Variants in FTO observed in about 807,000 individuals in gnomAD.
FTO encodes the protein alpha-ketoglutarate-dependent dioxygenase FTO.
FTO carries 47 observed loss-of-function variants against 63.9 expected under a neutral mutation model. The ratio of observed to expected loss-of-function variants is 0.74; its 90% CI spans 0.58 to 0.94. FTO has a LOEUF of 0.94. Among genes scored for constraint, FTO ranks in the 40% least tolerant of loss-of-function variants. The pLI, the probability that FTO is intolerant of heterozygous loss-of-function variation, is 0.00. For synonymous variants in FTO, 207 were observed against 224.4 expected, an observed-to-expected ratio of 0.92 and a Z score of 0.69; for missense variants, 562 against 618.1, an observed-to-expected ratio of 0.91 and a Z score of 0.96.
At chr16:53,923,909 C>T (rs1423424856) in intron 7 of FTO, among the ~76,000 whole-genome samples, 1 of 151,866 alleles carries the variant, frequency 6.6e-6, no homozygotes, top group Non-Finnish European at 1.5e-5. Context: ...GCTGCTGTGG[C>T]TCCATGGCTT....
intron 1 of FTO, among the ~76,000 whole-genome samples, chr16:53,775,783 C>CT (rs1489346502): frequency 2.0e-5 from 3 of 152,138 alleles, no homozygotes; most frequent in Non-Finnish European, 2.9e-5. Context: ...TTTTAATAGT[C>CT]TGTTTTCTTT....
intron 1 of FTO, among the ~76,000 whole-genome samples, chr16:53,772,901 A>G (rs1289485612): frequency 6.6e-6 from 1 of 152,076 alleles, no homozygotes; most frequent in East Asian, 1.9e-4. Context: ...GCTACTTTTC[A>G]TATTTGTCTT....
At chr16:54,025,873 C>T (rs997773109) in intron 8 of FTO, among the ~76,000 whole-genome samples, 3 of 152,126 alleles carry the variant, frequency 2.0e-5, no homozygotes, top group African/African-American at 7.2e-5. Context: ...ATTATCCGGG[C>T]ATGGGGGCGG....
intron 4 of FTO, among the ~76,000 whole-genome samples, chr16:53,867,712 A>G (rs1038254153): frequency 6.6e-5 from 10 of 152,090 alleles, no homozygotes; most frequent in African/African-American, 2.2e-4. Context: ...GTTATATTCA[A>G]TTGACTGATG....
intron 1 of FTO, among the ~76,000 whole-genome samples, chr16:53,804,317 T>C (rs1029241659): frequency 1.3e-5 from 2 of 152,202 alleles, no homozygotes; most frequent in Non-Finnish European, 2.9e-5. Flanking sequence ...CTAATATGTA[T>C]GAATAATTTT....
intron 4 of FTO, among the ~76,000 whole-genome samples, chr16:53,871,956 A>T (rs147806101): frequency 0.02 from 3,031 of 152,090 alleles, 42 homozygotes; most frequent in Admixed American, 0.031. Context: ...CGAACTCCTG[A>T]CCTCAGGTAA....
At chr16:54,049,985 C>T (rs1464277827) in intron 8 of FTO, among the ~76,000 whole-genome samples, 1 of 152,186 alleles carries the variant, frequency 6.6e-6, no homozygotes, top group East Asian at 1.9e-4. Flanking sequence ...TTGAATGCCT[C>T]ATGTCACAGG....
intron 1 of FTO, among the ~76,000 whole-genome samples, chr16:53,738,902 A>C (rs7203079): frequency 0.063 from 9,524 of 152,066 alleles, 475 homozygotes; most frequent in African/African-American, 0.14. Flanking sequence ...GTGCAGTGGC[A>C]AGATCATGAT....
intron 1 of FTO, among the ~76,000 whole-genome samples, chr16:53,772,680 C>T (rs2077366519): frequency 2.0e-5 from 3 of 152,064 alleles, no homozygotes; most frequent in South Asian, 4.1e-4. Context: ...TGAATTGGGA[C>T]TAACTGTATT....
chr16:54,053,784 G>A (rs2085365908), intron 8 of FTO, among the ~76,000 whole-genome samples: 1 of 152,084 alleles, frequency 6.6e-6, no homozygotes. Flanking sequence ...TCGAGAAACA[G>A]TCTACAAAAA....
intron 7 of FTO, among the ~76,000 whole-genome samples, chr16:53,902,454 G>A (rs117107489): frequency 0.014 from 2,169 of 152,212 alleles, 25 homozygotes; most frequent in Middle Eastern, 0.037. Context: ...GCTGTGCTTG[G>A]GATATTTCTC....
At chr16:53,876,205 G>T (rs1007351557) in intron 5 of FTO, among the ~76,000 whole-genome samples, 3 of 152,064 alleles carry the variant, frequency 2.0e-5, no homozygotes, top group Non-Finnish European at 4.4e-5. Flanking sequence ...AATGTTTAAA[G>T]GTTCTTGTTA....
At chr16:54,012,491 G>A (rs944723634) in intron 8 of FTO, among the ~76,000 whole-genome samples, 2 of 152,216 alleles carry the variant, frequency 1.3e-5, no homozygotes, top group Non-Finnish European at 2.9e-5. Context: ...TAAGGTCATT[G>A]ATGAAATGGT....
chr16:53,857,011 A>G (rs891440905), intron 4 of FTO, among the ~76,000 whole-genome samples: 2 of 152,208 alleles, frequency 1.3e-5, no homozygotes, highest in African/African-American at 4.8e-5. Context: ...AAGGGAACCA[A>G]CCAATCAATG....
chr16:53,866,979 A>T (rs1278281938), intron 4 of FTO, among the ~76,000 whole-genome samples: 2 of 152,134 alleles, frequency 1.3e-5, no homozygotes, highest in African/African-American at 4.8e-5. Flanking sequence ...TCTTCTTCTA[A>T]TATAAGCAGA....
chr16:53,910,624 C>T (rs1181979959), intron 7 of FTO, among the ~76,000 whole-genome samples: 4 of 151,918 alleles, frequency 2.6e-5, no homozygotes, highest in Non-Finnish European at 2.9e-5. Flanking sequence ...GCAACCTCCG[C>T]CTCCCAGGTT....
intron 7 of FTO, among the ~76,000 whole-genome samples, chr16:53,899,710 C>A (rs989098913): frequency 1.3e-5 from 2 of 152,044 alleles, no homozygotes; most frequent in Non-Finnish European, 2.9e-5. Flanking sequence ...AGCTTGGAAC[C>A]AAGAAATGCC....
intron 4 of FTO, among the ~76,000 whole-genome samples, chr16:53,866,969 T>C (rs2080335546): frequency 6.6e-6 from 1 of 152,140 alleles, no homozygotes; most frequent in Admixed American, 6.5e-5. Flanking sequence ...TTTAGATCTT[T>C]CTTCTTCTAA....
intron 8 of FTO, among the ~76,000 whole-genome samples, chr16:54,049,540 GA>G (rs2085266264): frequency 6.6e-6 from 1 of 152,188 alleles, no homozygotes; most frequent in Admixed American, 6.5e-5. Flanking sequence ...GTGAGGGGGG[GA>G]AATGGCCATG....
Sources: gnomAD v4.1 joint callset for allele counts (sites outside exome capture counted in the v4.1 genomes callset) on GRCh38, gnomAD v4.1.1 for gene constraint, MANE v1.5 for transcripts, NCBI Gene and HGNC (gene_info 2026-07-23, HGNC 2026-07-21) for gene names.